Variants in GABRG1 observed in about 807,000 individuals in gnomAD.
The protein encoded by GABRG1 is gamma-aminobutyric acid receptor subunit gamma-1.
A neutral mutation model predicts 49.8 loss-of-function variants in GABRG1; 49 were observed. That is an observed-to-expected ratio of 0.98 (90% CI 0.78 to 1.25). The LOEUF (loss-of-function observed/expected upper bound fraction) is 1.25. Ranked by LOEUF, GABRG1 falls within the 50% of genes most tolerant of loss-of-function variation. The probability of loss-of-function intolerance (pLI) is 0.00; values close to 1 mark genes in which losing one functional copy is unlikely to be tolerated. For missense variants in GABRG1, 552 were observed against 552.3 expected, an observed-to-expected ratio of 1.00 and a Z score of 0.01; for synonymous variants, 232 against 185.1, an observed-to-expected ratio of 1.25 and a Z score of -2.06.
chr4:46,123,785 G>T, intron 1 of GABRG1, 25 bp downstream of exon 1: 1 of 1,551,720 alleles, frequency 6.4e-7, no homozygotes. Flanking sequence ...GCAAAGAATA[G>T]TTTTAAACCC....
intron 3 of GABRG1, among the ~76,000 whole-genome samples, chr4:46,083,261 C>T (rs1451757242): frequency 6.6e-6 from 1 of 151,542 alleles, no homozygotes; most frequent in Non-Finnish European, 1.5e-5. Context: ...GTAGGTAAGC[C>T]CTTGAAGATC....
chr4:46,095,484 A>G (rs1720136154), intron 2 of GABRG1, among the ~76,000 whole-genome samples: 1 of 151,814 alleles, frequency 6.6e-6, no homozygotes, highest in Non-Finnish European at 1.5e-5. Context: ...TATACTAAGA[A>G]AAGACTTCAG....
intron 2 of GABRG1, among the ~76,000 whole-genome samples, chr4:46,086,393 ACAATAGATTTTAAAAATCTTTT>A (rs1719753789): frequency 6.6e-6 from 1 of 151,686 alleles, no homozygotes; most frequent in Non-Finnish European, 1.5e-5. Flanking sequence ...AATATAAACT[ACAATAGATTTTAAAAATCTTTT>A]CTTTATAATT....
intron 2 of GABRG1, among the ~76,000 whole-genome samples, chr4:46,087,818 A>G (rs1719836802): frequency 6.6e-6 from 1 of 151,956 alleles, no homozygotes; most frequent in South Asian, 2.1e-4. Flanking sequence ...TTAACAAGGA[A>G]ATGTCAAACA....
chr4:46,091,956 G>A (rs1720005783), intron 2 of GABRG1, among the ~76,000 whole-genome samples: 3 of 151,828 alleles, frequency 2.0e-5, no homozygotes, highest in Non-Finnish European at 1.5e-5. Flanking sequence ...CTTCAAAATA[G>A]CACGATTAAT....
In GABRG1 at chr4:46,075,630, A is replaced by G. The variant is rs187949142; in HGVS notation, c.321+8356T>C. ...TATCATTTGGGGTTATGAAGGTTTG[A>G]AAAACTATGGCTTTATATTCCATTT... On this transcript the variant is annotated intron_variant, in intron 3 of 8. Transcript: ENST00000295452. Among the ~76,000 whole-genome samples, 374 of 152,230 alleles carry G rather than the reference A, an allele frequency of 2.5e-3. 1 individual carries two copies. The highest frequency in any genetic ancestry group is 8.4e-3 in the African/African-American group (350 of 41,576).
intron 8 of GABRG1, among the ~76,000 whole-genome samples, chr4:46,045,464 C>A (rs1240204753): frequency 1.3e-5 from 2 of 151,402 alleles, no homozygotes; most frequent in Non-Finnish European, 1.5e-5. Context: ...TTGGAATGAA[C>A]AATTGATAAC....
chr4:46,080,739 T>C, intron 3 of GABRG1, among the ~76,000 whole-genome samples: 1 of 151,800 alleles, frequency 6.6e-6, no homozygotes, highest in East Asian at 1.9e-4. Flanking sequence ...ATTTAATATA[T>C]TCATGCAAAT....
chr4:46,065,771 G>T (rs534748604), intron 3 of GABRG1, among the ~76,000 whole-genome samples, 187 bp from the exon 4 acceptor site: 1 of 152,036 alleles, frequency 6.6e-6, no homozygotes, highest in South Asian at 2.1e-4. Flanking sequence ...CTCCCAGGCC[G>T]GAGTGCAGTG....
intron 1 of GABRG1, among the ~76,000 whole-genome samples, chr4:46,120,173 T>C (rs1721052978): frequency 6.6e-6 from 1 of 151,768 alleles, no homozygotes; most frequent in South Asian, 2.1e-4. Context: ...CTTGAAAGCC[T>C]GCCCATATGT....
intron 1 of GABRG1, among the ~76,000 whole-genome samples, chr4:46,112,236 A>G (rs143375430): frequency 6.6e-6 from 1 of 151,466 alleles, no homozygotes; most frequent in East Asian, 2.0e-4. Context: ...CATAGGGAAC[A>G]TATTCCACAC....
intron 1 of GABRG1, among the ~76,000 whole-genome samples, chr4:46,118,818 A>T (rs191707629): frequency 1.8e-3 from 268 of 151,194 alleles, no homozygotes; most frequent in African/African-American, 6.2e-3. Flanking sequence ...AAAAAAAACT[A>T]TAAATTTAAT....
chr4:46,081,410 T>C (rs62306773), intron 3 of GABRG1, among the ~76,000 whole-genome samples: 9,520 of 151,950 alleles, frequency 0.063, 408 homozygotes, highest in Middle Eastern at 0.11. Flanking sequence ...ACTTATGGCA[T>C]GGCTAGAATG....
intron 2 of GABRG1, among the ~76,000 whole-genome samples, chr4:46,088,585 T>C (rs1305245554): frequency 1.3e-5 from 2 of 152,014 alleles, no homozygotes; most frequent in Non-Finnish European, 2.9e-5. Flanking sequence ...ATGCAGTCAT[T>C]CTGTGTATAA....
At chr4:46,093,356 A>G (rs1240064217) in intron 2 of GABRG1, among the ~76,000 whole-genome samples, 1 of 152,048 alleles carries the variant, frequency 6.6e-6, no homozygotes, top group Non-Finnish European at 1.5e-5. Context: ...CCAGGCACAG[A>G]AAAACAAAAG....
chr4:46,087,337 T>A (rs1004462403), intron 2 of GABRG1, among the ~76,000 whole-genome samples: 1 of 151,658 alleles, frequency 6.6e-6, no homozygotes, highest in Non-Finnish European at 1.5e-5. Flanking sequence ...TAGTAATATA[T>A]CAATATTATC....
At chr4:46,082,814 C>T (rs1384615576) in intron 3 of GABRG1, among the ~76,000 whole-genome samples, 1 of 151,578 alleles carries the variant, frequency 6.6e-6, no homozygotes, top group African/African-American at 2.4e-5. Context: ...CCTTTCTGTG[C>T]TTCTCTTTCT....
intron 2 of GABRG1, among the ~76,000 whole-genome samples, chr4:46,090,360 T>G (rs957315293): frequency 2.0e-5 from 3 of 151,958 alleles, no homozygotes; most frequent in Admixed American, 6.6e-5. Context: ...ACTCATGGAG[T>G]AGGGCAACTA....
chr4:46,048,711 G>A (rs917168388), intron 8 of GABRG1, among the ~76,000 whole-genome samples: 1 of 151,264 alleles, frequency 6.6e-6, no homozygotes, highest in African/African-American at 2.4e-5. Context: ...AGCAAGGAAG[G>A]AAAAATAGAA....
Sources: allele counts gnomAD v4.1 joint callset (sites outside exome capture counted in the v4.1 genomes callset), GRCh38; gene constraint gnomAD v4.1.1; transcripts MANE v1.5; gene names NCBI Gene and HGNC (gene_info 2026-07-23, HGNC 2026-07-21).